ZNF136: variants seen among roughly 807,000 people sequenced by gnomAD.
The protein encoded by ZNF136 is zinc finger protein 136, also known as zinc finger protein 136 (clone pHZ-20).
ZNF136 carries 8 observed loss-of-function variants against 11.4 expected under a neutral mutation model. The observed-to-expected ratio is 0.70, with a 90% CI of 0.41 to 1.27. The LOEUF is 1.27. Ranked by LOEUF, ZNF136 falls within the 50% of genes most tolerant of loss-of-function variation. ZNF136 has a pLI of 0.01. For synonymous variants in ZNF136, 190 were observed against 207.1 expected (o/e 0.92, Z 0.71); for missense variants, 590 against 656.5 (o/e 0.90, Z 1.11).
At chr19:12,176,012 G>A (rs1009115332) in intron 1 of ZNF136, among the ~76,000 whole-genome samples, 2 of 152,026 alleles carry the variant, frequency 1.3e-5, no homozygotes, top group African/African-American at 4.8e-5. Context: ...CTACCTTTTA[G>A]CTCATTTATT....
chr19:12,181,010 G>A (rs1050997918), intron 1 of ZNF136, among the ~76,000 whole-genome samples: 5 of 152,180 alleles, frequency 3.3e-5, no homozygotes, highest in African/African-American at 7.2e-5. Flanking sequence ...AATCAGGCGC[G>A]CCTCAGAGCC....
At position 12,183,124 on chromosome 19, in the gene ZNF136, TTTGTTG is replaced by T. The variant is rs544857401; in HGVS notation, c.4-2646_4-2641del. On this transcript the variant is annotated intron_variant, in intron 1 of 3. Transcript: ENST00000343979. The stretch of plus-strand genomic sequence containing the variant: ...TCTCAGGTCTGTTCTTTTTTGTGAT[TTTGTTG>T]TTGTTGTTGTTGTTTTGTTTTTTTT... 5.9e-5 allele frequency among the ~76,000 whole-genome samples: 9 copies of T among 151,996 alleles called. No homozygotes were observed. The South Asian group carries it at 6.2e-4, about 11-fold the overall frequency.
chr19:12,173,360 C>T (rs953616806), intron 1 of ZNF136, among the ~76,000 whole-genome samples: 2 of 152,030 alleles, frequency 1.3e-5, no homozygotes, highest in Non-Finnish European at 2.9e-5. Context: ...TATTGAATGA[C>T]GTCTGTATAA....
At chr19:12,171,007 G>T (rs1914640891) in intron 1 of ZNF136, among the ~76,000 whole-genome samples, 1 of 151,926 alleles carries the variant, frequency 6.6e-6, no homozygotes, top group African/African-American at 2.4e-5. Flanking sequence ...GGCTAATTTT[G>T]TTTTTTTAAT....
At position 12,163,123 on chromosome 19, in the gene ZNF136, G is replaced by A. The variant is rs199523556; in HGVS notation, c.-81G>A. On this transcript the variant is annotated 5_prime_UTR_variant, in exon 1 of 4. Transcript: ENST00000343979. ...TAGTCCCAGAGGCCCAGAGTGGCTC[G>A]CCTGGAGTCTCTGTGGCGCGGTTTC... 9.0e-5 allele frequency: 121 copies of A among 1,349,484 alleles called. No homozygotes were observed. The highest frequency in any genetic ancestry group is 7.9e-4 in the African/African-American group (52 of 65,710). The allele number at this position is 1,349,484 out of a possible 1,614,324, so 83.6% of individuals were successfully genotyped here.
chr19:12,186,549 T>C (rs376763253), intron 3 of ZNF136, 21 bp from the exon 4 acceptor site: 15 of 1,546,134 alleles, frequency 9.7e-6, no homozygotes, highest in African/African-American at 1.4e-5. Flanking sequence ...TCCTTAGTAA[T>C]GTCCGTCTCA....
intron 1 of ZNF136, among the ~76,000 whole-genome samples, chr19:12,180,667 G>A (rs1914917352): frequency 6.6e-6 from 1 of 152,134 alleles, no homozygotes; most frequent in Admixed American, 6.6e-5. Context: ...CACCATTTCA[G>A]GAACTGCTTA....
Position 12,188,201 on chromosome 19 carries a change from T to A in ZNF136, c.*200T>A. On this transcript the variant is annotated 3_prime_UTR_variant, in exon 4 of 4. Coordinates refer to ENST00000343979, the MANE Select transcript of ZNF136 (RefSeq NM_003437.5). ...CCTTTCAAATACATGAAAGAACTCA[T>A]CATGGAGAAAACCAAACAAATGCTT... 2.3e-6 allele frequency: 1 copy of A among 437,702 alleles called. No homozygotes were observed. Among genetic ancestry groups the A allele is most frequent in the East Asian group, 3.5e-5 (1 of 28,936 alleles). 27.1% of individuals were successfully genotyped at this position (437,702 alleles called of 1,614,324 possible). A position where few individuals can be genotyped will look rare whatever the true frequency, so the allele number is the denominator to read the frequency against.
chr19:12,187,967 G>A lies in ZNF136; in HGVS notation c.1589G>A (p.Gly530Glu). 6.5e-7 allele frequency: 1 copy of A among 1,539,652 alleles called. No individual in the cohort carries two copies. The highest frequency in any genetic ancestry group is 8.7e-7 in the Non-Finnish European group (1 of 1,149,822). The change falls in exon 4 of 4, where the codon GGA becomes GAA. Residue 530 changes from glycine (G) to glutamate (E), a missense_variant. Physicochemically the swap from Gly to Glu is moderately conservative, Grantham distance 98 (BLOSUM62 -2). Coordinates refer to ENST00000343979, the MANE Select transcript of ZNF136 (RefSeq NM_003437.5). The stretch of plus-strand genomic sequence containing the variant: ...CACATGTTAACACATGCTGAAGATG[G>A]ACCACCTTATAAATGCATGTGGGAA... ...QRHMLTHAED[G>E]PPYKCMWESL
At chr19:12,173,038 GA>G (rs1055614308) in intron 1 of ZNF136, among the ~76,000 whole-genome samples, 3 of 152,064 alleles carry the variant, frequency 2.0e-5, no homozygotes, top group Non-Finnish European at 4.4e-5. Flanking sequence ...TTCCCGGAGA[GA>G]GGAGAGTAGC....
At chr19:12,184,936 C>T (rs1915046818) in intron 1 of ZNF136, 2 of 152,110 alleles carry the variant, frequency 1.3e-5, no homozygotes, top group Admixed American at 1.3e-4. Flanking sequence ...ACAGGTGCGC[C>T]CTAAAATTGG....
Position 12,186,558 on chromosome 19 carries a change from C to A in ZNF136, c.192-12C>A. 2 of 1,574,976 alleles carry A rather than the reference C, an allele frequency of 1.3e-6. No homozygotes were observed. The highest frequency in any genetic ancestry group is 2.3e-5 in the South Asian group (2 of 85,582). On this transcript the variant is annotated splice_polypyrimidine_tract_variant and intron_variant, in intron 3 of 3. Coordinates refer to ENST00000343979, the MANE Select transcript of ZNF136 (RefSeq NM_003437.5). ...AACAAATCCTTAGTAATGTCCGTCT[C>A]ATTTTTTACAGAAGTCATATGTTAG... is the stretch of plus-strand genomic sequence containing the variant.
chr19:12,186,492 A>G, intron 3 of ZNF136, 78 bp from the exon 4 acceptor site: 1 of 1,228,436 alleles, frequency 8.1e-7, no homozygotes, highest in Non-Finnish European at 1.1e-6. Context: ...ACCTGATAAT[A>G]TTGAAAATGC....
At chr19:12,166,450 A>G (rs1977188131) in intron 1 of ZNF136, among the ~76,000 whole-genome samples, 1 of 152,138 alleles carries the variant, frequency 6.6e-6, no homozygotes, top group Non-Finnish European at 1.5e-5. Context: ...AGAAAAATGA[A>G]TATAGTTTCC....
Position 12,187,180 on chromosome 19 carries a change from C to T in ZNF136, c.802C>T (p.Gln268Ter). The change falls in exon 4 of 4, where the codon CAA becomes TAA. Residue 268 changes from glutamine to a stop codon, truncating the protein, a stop_gained. Coordinates refer to ENST00000343979, the MANE Select transcript of ZNF136 (RefSeq NM_003437.5). LOFTEE classifies it low-confidence loss of function (END_TRUNC). ...ACCCTTTCATTCTCTGAGTTCATTTCAAGTGCATGAAAGAATTCACACTGG... is the reference window on the plus strand; with the variant it reads ...ACCCTTTCATTCTCTGAGTTCATTTTAAGTGCATGAAAGAATTCACACTGG... ...GKPFHSLSSF[Q>*]VHERIHTGEK... 1 of 1,613,804 alleles carries T rather than the reference C, an allele frequency of 6.2e-7. No individual in the cohort carries two copies. Among genetic ancestry groups the T allele is most frequent in the Non-Finnish European group, 8.5e-7 (1 of 1,179,960 alleles).
chr19:12,180,112 T>C (rs1914905294), intron 1 of ZNF136, among the ~76,000 whole-genome samples: 1 of 151,742 alleles, frequency 6.6e-6, no homozygotes, highest in South Asian at 2.1e-4. Context: ...GTGATCTGCC[T>C]GCCTCGGTCT....
intron 1 of ZNF136, among the ~76,000 whole-genome samples, chr19:12,166,548 A>G (rs1029025919): frequency 2.0e-5 from 3 of 152,360 alleles, no homozygotes; most frequent in South Asian, 2.1e-4. Flanking sequence ...GTGACGGTGA[A>G]TAACTGTTCT....
intron 1 of ZNF136, among the ~76,000 whole-genome samples, chr19:12,184,004 C>T (rs531395663): frequency 5.3e-5 from 8 of 151,952 alleles, no homozygotes; most frequent in South Asian, 2.1e-4. Context: ...TGGTGGCTCA[C>T]GCCTGTAATC....
chr19:12,187,190 A>G lies in ZNF136; in HGVS notation c.812A>G (p.Glu271Gly). 6.2e-7 allele frequency: 1 copy of G among 1,613,944 alleles called. No homozygotes were observed. Among genetic ancestry groups the G allele is most frequent in the Non-Finnish European group, 8.5e-7 (1 of 1,179,978 alleles). The change falls in exon 4 of 4, where the codon GAA becomes GGA. Residue 271 changes from glutamate (E) to glycine (G), a missense_variant. Coordinates refer to ENST00000343979, the MANE Select transcript of ZNF136 (RefSeq NM_003437.5). Reference protein sequence around the residue: ...FHSLSSFQVHERIHTGEKPFK... With the variant: ...FHSLSSFQVHGRIHTGEKPFK... The stretch of plus-strand genomic sequence containing the variant: ...TCTCTGAGTTCATTTCAAGTGCATG[A>G]AAGAATTCACACTGGAGAAAAACCC...
Sources: gnomAD v4.1 joint callset for allele counts (sites outside exome capture counted in the v4.1 genomes callset) on GRCh38, gnomAD v4.1.1 for gene constraint, MANE v1.5 for transcripts, NCBI Gene and HGNC (gene_info 2026-07-23, HGNC 2026-07-21) for gene names.